The following GRM4 variants were observed in gnomAD, a reference collection of about 807,000 sequenced individuals.
GRM4 encodes glutamate metabotropic receptor 4, also known as metabotropic glutamate receptor 4.
Under a neutral mutation model 81.7 loss-of-function variants are expected in GRM4, and 28 were observed. The ratio of observed to expected loss-of-function variants is 0.34; its 90% CI spans 0.25 to 0.47. The LOEUF is 0.47. Ranked by LOEUF, GRM4 falls within the 20% of genes least tolerant of loss-of-function variation. GRM4 has a pLI of 1.00. For missense variants in GRM4, 948 were observed against 1,290.0 expected (o/e 0.73, Z 4.06); for synonymous variants, 488 against 528.8 (o/e 0.92, Z 1.06).
At chr6:34,067,295 G>A (rs1038126478) in intron 3 of GRM4, among the ~76,000 whole-genome samples, 2 of 152,002 alleles carry the variant, frequency 1.3e-5, no homozygotes, top group South Asian at 2.1e-4. Context: ...TCCACCTCCC[G>A]CTGCACTTCC....
Position 34,089,383 on chromosome 6 carries a change from T to TCC in GRM4, c.736+2499_736+2500insGG, listed in dbSNP as rs1768080086. ...CAGCTGAAGTGCAGCTCTCTCTCTC[T>TCC]CTCTTCCTTTCTTTTCACCCACTAA... is the stretch of plus-strand genomic sequence containing the variant. On this transcript the variant is annotated intron_variant, in intron 3 of 10. Transcript: ENST00000538487. The surrounding 1 kb of genome is among the most constrained non-coding windows in gnomAD (Gnocchi z 4.3). Among the ~76,000 whole-genome samples, 1 of 151,658 alleles carries TCC rather than the reference T, an allele frequency of 6.6e-6. No individual in the cohort carries two copies. Among genetic ancestry groups the TCC allele is most frequent in the African/African-American group, 2.4e-5 (1 of 41,254 alleles).
intron 1 of GRM4, among the ~76,000 whole-genome samples, chr6:34,138,618 TG>T (rs1472792332): frequency 1.3e-5 from 2 of 152,190 alleles, no homozygotes; most frequent in Non-Finnish European, 2.9e-5. Context: ...AGGTGTGGTT[TG>T]TAGGACAGGA....
intron 2 of GRM4, chr6:34,102,040 G>C: frequency 5.2e-6 from 8 of 1,535,572 alleles, no homozygotes; most frequent in Non-Finnish European, 7.0e-6. Context: ...CACCCCCAAA[G>C]CATGGCCCTG....
chr6:34,022,954 A>G lies in GRM4; in HGVS notation c.2690-84T>C, dbSNP rs1247200011. 6.6e-6 allele frequency: 7 copies of G among 1,056,814 alleles called. No homozygotes were observed. The highest frequency in any genetic ancestry group is 1.0e-5 in the Non-Finnish European group (7 of 674,930). The allele number at this position is 1,056,814 out of a possible 1,614,324, so 65.5% of individuals were successfully genotyped here. A position where few individuals can be genotyped will look rare whatever the true frequency, so the allele number is the denominator to read the frequency against. On this transcript the variant is annotated intron_variant, in intron 10 of 10. Coordinates refer to ENST00000538487, the MANE Select transcript of GRM4 (RefSeq NM_000841.4). This position sits in a 1 kb window ranked among gnomAD's most constrained non-coding sequence, Gnocchi z 5.6. Reference sequence around the variant, plus strand: ...CTTCCACATGGGCACAGCCCTGCACAAGAACCTACCATAGCTCCCCGCCTC... The same window carrying G: ...CTTCCACATGGGCACAGCCCTGCACGAGAACCTACCATAGCTCCCCGCCTC...
chr6:34,110,944 G>A, intron 2 of GRM4: 2 of 921,530 alleles, frequency 2.2e-6, no homozygotes, highest in Non-Finnish European at 2.8e-6. Flanking sequence ...CCTCTCTCCA[G>A]GGGAACGCTG....
intron 3 of GRM4, among the ~76,000 whole-genome samples, chr6:34,086,584 C>T (rs866615583): frequency 7.2e-5 from 11 of 152,200 alleles, no homozygotes; most frequent in African/African-American, 2.4e-4. Context: ...ATGCTAGATG[C>T]ACTTACCTGA....
At chr6:34,104,604 C>T (rs1021246812) in intron 2 of GRM4, among the ~76,000 whole-genome samples, 1 of 152,158 alleles carries the variant, frequency 6.6e-6, no homozygotes, top group African/African-American at 2.4e-5. Flanking sequence ...GCACTCTCAC[C>T]CCCTGCTCCC....
intron 2 of GRM4, among the ~76,000 whole-genome samples, chr6:34,098,018 C>T (rs1768626735): frequency 6.6e-6 from 1 of 152,218 alleles, no homozygotes; most frequent in Admixed American, 6.5e-5. Context: ...CGGAGCCGCC[C>T]TGCCCAGGGC....
At chr6:34,023,189 T>C (rs1562003344) in intron 10 of GRM4, among the ~76,000 whole-genome samples, 1 of 152,190 alleles carries the variant, frequency 6.6e-6, no homozygotes, top group Non-Finnish European at 1.5e-5. Context: ...CTCCTTCCTC[T>C]AGCACTCCTT....
chr6:34,069,410 A>G lies in GRM4; in HGVS notation c.737-7382T>C, dbSNP rs1018788077. On this transcript the variant is annotated intron_variant, in intron 3 of 10. Transcript: ENST00000538487. This position sits in a 1 kb window ranked among gnomAD's most constrained non-coding sequence, Gnocchi z 6.4. ...GGCCAGAGGGGGTTTCAAGGTAAGA[A>G]GGACACCAGGCCCCAGCAAAGGCCC... Among the ~76,000 whole-genome samples the G allele has an allele frequency of 2.0e-5, 3 of 152,134 alleles. No individual in the cohort carries two copies. The highest frequency in any genetic ancestry group is 4.4e-5 in the Non-Finnish European group (3 of 68,014).
intron 3 of GRM4, 69 bp downstream of exon 3, chr6:34,091,814 G>T (rs1440135944): frequency 2.6e-6 from 3 of 1,163,688 alleles, no homozygotes; most frequent in Non-Finnish European, 2.5e-6. Context: ...GGGAGCTCCT[G>T]GTGGGTCAGT....
rs544742209 is a variant in GRM4 at position 34,154,839 on chromosome 6, G to A, written c.312+240C>T. On this transcript the variant is annotated intron_variant, in intron 1 of 8. Coordinates refer to the GRM4 transcript ENST00000374177. ...CCCAGAAACGCGGCAAGATCGCTGA[G>A]AAGAACGTGAGGAGCCTCGATTCCC... 9.8e-5 allele frequency among the ~76,000 whole-genome samples: 15 copies of A among 152,320 alleles called. No homozygotes were observed. The South Asian group carries it at 2.9e-3, about 29-fold the overall frequency.
In GRM4 at chr6:34,019,258, T is replaced by C. The variant is rs6457756; in HGVS notation, c.*3563A>G. ...GGGACCTGAGACTCTGCTCCTGAGG[T>C]GGGTCTCCCCAGGGTCCTAGGAGTT... On this transcript the variant is annotated 3_prime_UTR_variant, in exon 11 of 11. Transcript: ENST00000538487. 30,550 of 152,146 alleles carry C rather than the reference T, an allele frequency of 0.2. 7,020 individuals are homozygous for C. The highest frequency in any genetic ancestry group is 0.57 in the African/African-American group (23,499 of 41,442). 9.4% of individuals were successfully genotyped at this position (152,146 alleles called of 1,614,324 possible).
rs1019248616 is a variant in GRM4 at position 34,059,407 on chromosome 6, C to A, written c.873-279G>T. 1.7e-5 allele frequency: 8 copies of A among 478,420 alleles called. No homozygotes were observed. Among genetic ancestry groups the A allele is most frequent in the African/African-American group, 1.6e-4 (8 of 51,176 alleles). The allele number at this position is 478,420 out of a possible 1,614,324, so 29.6% of individuals were successfully genotyped here. A position where few individuals can be genotyped will look rare whatever the true frequency, so the allele number is the denominator to read the frequency against. ...TTCTCCAGGCCTACATCTGTCCCTG[C>A]AAAGACCACACCTCTCCCCTCCAGA... On this transcript the variant is annotated intron_variant, in intron 4 of 10. Coordinates refer to ENST00000538487, the MANE Select transcript of GRM4 (RefSeq NM_000841.4). This position sits in a 1 kb window ranked among gnomAD's most constrained non-coding sequence, Gnocchi z 5.7.
At chr6:34,140,225 A>C (rs973197678) in intron 1 of GRM4, among the ~76,000 whole-genome samples, 7 of 152,280 alleles carry the variant, frequency 4.6e-5, no homozygotes, top group African/African-American at 1.7e-4. Flanking sequence ...TCCAAAGAGA[A>C]AGAACAGCAA....
chr6:34,056,441 GCCGACGA>G (rs928644958), intron 6 of GRM4, 96 bp downstream of exon 6: 83 of 1,095,718 alleles, frequency 7.6e-5, no homozygotes, highest in Non-Finnish European at 1.1e-4. Context: ...GCCACGGCCG[GCCGACGA>G]CAGACAAAGG....
At chr6:34,097,624 C>G (rs1219865036) in intron 2 of GRM4, among the ~76,000 whole-genome samples, 1 of 152,188 alleles carries the variant, frequency 6.6e-6, no homozygotes, top group Non-Finnish European at 1.5e-5. Flanking sequence ...TAACTGGTTC[C>G]CAGAACTGCA....
rs13204720 is a variant in GRM4, at chr6:34,087,401, A to G, written c.736+4482T>C. Reference sequence around the variant, plus strand: ...GCCACTGCACTCCAGCCTGGGTGACAGAGCGAGACTCCATCTCAAAAAAAA... The same window carrying G: ...GCCACTGCACTCCAGCCTGGGTGACGGAGCGAGACTCCATCTCAAAAAAAA... On this transcript the variant is annotated intron_variant, in intron 3 of 10. Coordinates refer to ENST00000538487, the MANE Select transcript of GRM4 (RefSeq NM_000841.4). Among the ~76,000 whole-genome samples, 1,282 of 149,980 alleles carry G rather than the reference A, an allele frequency of 8.5e-3. 10 individuals are homozygous for G. Among genetic ancestry groups the G allele is most frequent in the Middle Eastern group, 0.024 (7 of 290 alleles).
intron 1 of GRM4, chr6:34,155,018 G>A: frequency 6.7e-6 from 9 of 1,346,732 alleles, no homozygotes; most frequent in Non-Finnish European, 9.0e-6. Flanking sequence ...CTCCCACAGT[G>A]CTGGGCACCT....
Sources: gnomAD v4.1 joint callset for allele counts (sites outside exome capture counted in the v4.1 genomes callset) on GRCh38, gnomAD v4.1.1 for gene constraint, Gnocchi (gnomAD v3.1) non-coding constraint, MANE v1.5 for transcripts, NCBI Gene and HGNC (gene_info 2026-07-23, HGNC 2026-07-21) for gene names.